The following DIP2A variants were observed in gnomAD, a reference collection of about 807,000 sequenced individuals.
DIP2A encodes the protein DIP2 acetate--CoA ligase A.
In DIP2A, 85 loss-of-function variants were observed where a neutral mutation model predicts 177.4. The ratio of observed to expected loss-of-function variants is 0.48; its 90% confidence interval spans 0.40 to 0.57. The LOEUF (loss-of-function observed/expected upper bound fraction) is 0.57. Among genes scored for constraint, DIP2A ranks in the 20% least tolerant of loss-of-function variants. The probability of loss-of-function intolerance (pLI) is 0.00; values close to 1 mark genes in which losing one functional copy is unlikely to be tolerated. For missense variants in DIP2A, 1,791 were observed against 2,100.2 expected (o/e 0.85, Z 2.88); for synonymous variants, 886 against 881.8 (o/e 1.00, Z -0.08).
At chr21:46,536,903 C>CAA (rs10714360) in intron 13 of DIP2A, among the ~76,000 whole-genome samples, 5 of 129,516 alleles carry the variant, frequency 3.9e-5, no homozygotes, top group South Asian at 2.4e-4. Context: ...GACTCTGTCT[C>CAA]AAAAAAAAAA....
rs73909550 is a variant in DIP2A, at chr21:46,477,140, C to T, written c.92-7617C>T. Among the ~76,000 whole-genome samples the T allele has an allele frequency of 3.7e-3, 557 of 152,206 alleles. 4 individuals are homozygous for T. The highest frequency in any genetic ancestry group is 0.013 in the African/African-American group (531 of 41,522). ...GTGGGCACCTCCAGTAGGACCGGTC[C>T]GATTGTTTGGGTAAATCTAGCAACA... On this transcript the variant is annotated intron_variant, in intron 1 of 37. Coordinates refer to ENST00000417564, the MANE Select transcript of DIP2A (RefSeq NM_015151.4).
chr21:46,562,692 T>C (rs1354470667), intron 34 of DIP2A, among the ~76,000 whole-genome samples: 1 of 152,018 alleles, frequency 6.6e-6, no homozygotes, highest in Non-Finnish European at 1.5e-5. Flanking sequence ...AGTGCGTGAG[T>C]GAGTGAACTC....
intron 11 of DIP2A, 148 bp from the exon 12 acceptor site, chr21:46,533,856 T>C (rs1174891312): frequency 6.2e-6 from 6 of 963,478 alleles, no homozygotes; most frequent in Non-Finnish European, 9.2e-6. Flanking sequence ...GATGTACCTT[T>C]TTAAATTATA....
the DIP2A span, among the ~76,000 whole-genome samples, chr21:46,581,829 A>G: frequency 2.6e-5 from 4 of 152,114 alleles, no homozygotes; most frequent in African/African-American, 7.2e-5. Context: ...TGGGAGCTCA[A>G]TCTCAGAGGG....
chr21:46,477,543 T>TTTTTGTGTGTGTGTGTGTGTGTGTG (rs374607636), intron 1 of DIP2A, among the ~76,000 whole-genome samples: 2 of 87,132 alleles, frequency 2.3e-5, no homozygotes, highest in African/African-American at 8.6e-5. Flanking sequence ...AAAAAAAGAT[T>TTTTTGTGTGTGTGTGTGTGTGTGTG]TGTGTGTGTG....
rs959280243 is a variant in DIP2A, at chr21:46,569,999, A to G, written c.*2377A>G. On this transcript the variant is annotated 3_prime_UTR_variant, in exon 38 of 38. Coordinates refer to ENST00000417564, the MANE Select transcript of DIP2A (RefSeq NM_015151.4). ...AATTTGCTTTTGTACTTAATAAATT[A>G]TAGACTTTAAAATCTATTACATATA... The G allele has an allele frequency of 1.3e-5, 2 of 152,342 alleles. No homozygotes were observed. The highest frequency in any genetic ancestry group is 1.9e-4 in the East Asian group (1 of 5,192). The allele number at this position is 152,342 out of a possible 1,614,324, so 9.4% of individuals were successfully genotyped here. A position where few individuals can be genotyped will look rare whatever the true frequency, so the allele number is the denominator to read the frequency against.
intron 1 of DIP2A, among the ~76,000 whole-genome samples, chr21:46,473,229 TATTTTTA>T (rs936752702): frequency 1.3e-5 from 2 of 152,180 alleles, no homozygotes; most frequent in Non-Finnish European, 2.9e-5. Context: ...GTCAATTTCC[TATTTTTA>T]ATTAAAGGCT....
chr21:46,483,063 G>C (rs1014661199), intron 1 of DIP2A, among the ~76,000 whole-genome samples: 1 of 152,124 alleles, frequency 6.6e-6, no homozygotes. Flanking sequence ...ATGGAGTGAG[G>C]GGGTGAACAA....
At position 46,541,829 on chromosome 21, in the gene DIP2A, A is replaced by G; in HGVS notation, c.2110A>G (p.Arg704Gly). 1 of 1,614,046 alleles carries G rather than the reference A, an allele frequency of 6.2e-7. No individual in the cohort carries two copies. The highest frequency in any genetic ancestry group is 8.5e-7 in the Non-Finnish European group (1 of 1,179,890). ...SMNGLSYGVI[R>G]VDTEEKLSVL... ...GAACGGTCTAAGTTATGGTGTTATC[A>G]GAGTGGATACTGAAGAAAAGTTGTC... The change falls in exon 18 of 38, where the codon AGA (arginine) becomes GGA (glycine). Residue 704 changes from arginine (R) to glycine (G), a missense_variant. Physicochemically the swap from Arg to Gly is moderately radical, Grantham distance 125 (BLOSUM62 -2). Transcript: ENST00000417564.
In DIP2A at chr21:46,556,023, C is replaced by A; in HGVS notation, c.3430C>A (p.Pro1144Thr). 1 of 1,613,950 alleles carries A rather than the reference C, an allele frequency of 6.2e-7. No individual in the cohort carries two copies. The highest frequency in any genetic ancestry group is 8.5e-7 in the Non-Finnish European group (1 of 1,179,876). Residue 1144 changes from proline (P) to threonine (T), a missense_variant, in exon 29 of 38, where the codon CCC (proline) becomes ACC (threonine). Transcript: ENST00000417564. This position sits in a 1 kb window ranked among gnomAD's most constrained non-coding sequence, Gnocchi z 4.5. ...GAAGATAGCAAGCGTTTTCAGGCCC[C>A]CCTCCCCCGATGTCCTCGCATACTT... is the stretch of plus-strand genomic sequence containing the variant. The part of the protein sequence containing the change: ...KKKIASVFRP[P>T]SPDVLAYLDF...
chr21:46,571,384 G>A (rs2060965168), downstream of DIP2A, among the ~76,000 whole-genome samples: 1 of 152,128 alleles, frequency 6.6e-6, no homozygotes, highest in African/African-American at 2.4e-5. Context: ...AGGCCAGAAG[G>A]TAGTGGGCCA....
chr21:46,466,761 T>C (rs532279225), intron 1 of DIP2A, among the ~76,000 whole-genome samples: 3 of 149,974 alleles, frequency 2.0e-5, no homozygotes, highest in African/African-American at 4.9e-5. Flanking sequence ...TCCAACTGCA[T>C]GTCTCTCTGA....
intron 2 of DIP2A, among the ~76,000 whole-genome samples, chr21:46,487,379 A>G (rs2056757593): frequency 6.6e-6 from 1 of 152,234 alleles, no homozygotes; most frequent in African/African-American, 2.4e-5. Context: ...GTCCAAAATC[A>G]CCAGCAATCA....
At chr21:46,485,330 G>A (rs1237276725) in intron 2 of DIP2A, among the ~76,000 whole-genome samples, 2 of 152,084 alleles carry the variant, frequency 1.3e-5, no homozygotes, top group Non-Finnish European at 2.9e-5. Context: ...TTTCAAAAAA[G>A]AATGAGGTGA....
At position 46,498,617 on chromosome 21, in the gene DIP2A, C is replaced by T. The variant is rs370736191; in HGVS notation, c.439C>T (p.Arg147Trp). 40 of 1,612,270 alleles carry T rather than the reference C, an allele frequency of 2.5e-5. No homozygotes were observed. The highest frequency in any genetic ancestry group is 3.3e-5 in the Non-Finnish European group (39 of 1,179,194). The change falls in exon 5 of 38, where the codon CGG (arginine) becomes TGG (tryptophan). Residue 147 changes from arginine (R) to tryptophan (W), a missense_variant. By Grantham distance (101) the Arg-to-Trp change is moderately radical. Transcript: ENST00000417564. The surrounding 1 kb of genome is among the most constrained non-coding windows in gnomAD (Gnocchi z 4.3). Reference protein sequence around the residue: ...SSASEDEGSLRRPGRLTSTPL... With the variant: ...SSASEDEGSLWRPGRLTSTPL... Reference sequence around the variant, plus strand: ...TGCCTCAGAAGATGAGGGCTCTTTACGGCGACCCGGGCGACTCACCTCCAC... The same window carrying T: ...TGCCTCAGAAGATGAGGGCTCTTTATGGCGACCCGGGCGACTCACCTCCAC...
chr21:46,493,202 C>T (rs545434521), intron 3 of DIP2A, among the ~76,000 whole-genome samples: 1 of 152,266 alleles, frequency 6.6e-6, no homozygotes, highest in South Asian at 2.1e-4. Flanking sequence ...TTATGATGCA[C>T]GTGGGCTGGT....
intron 25 of DIP2A, among the ~76,000 whole-genome samples, chr21:46,552,636 G>A (rs1398982217): frequency 6.6e-6 from 1 of 152,022 alleles, no homozygotes; most frequent in Non-Finnish European, 1.5e-5. Flanking sequence ...CTGCTCATTC[G>A]AATTAAAAAA....
chr21:46,461,271 C>CAAAAAAAAAAAAAAAAAAAAAAAAAAAAA lies in DIP2A; in HGVS notation c.91+2071_91+2072insAAAAAAAAAAAAAAAAAAAAAAAAAAAAA, dbSNP rs60346777. Among the ~76,000 whole-genome samples, 4 of 49,310 alleles carry CAAAAAAAAAAAAAAAAAAAAAAAAAAAAA rather than the reference C, an allele frequency of 8.1e-5. 1 individual carries two copies. Among genetic ancestry groups the CAAAAAAAAAAAAAAAAAAAAAAAAAAAAA allele is most frequent in the East Asian group, 1.8e-3 (2 of 1,084 alleles). 32.3% of individuals were successfully genotyped at this position (49,310 alleles called of 152,430 possible). ...AGAGCGAGAACCTGTCTCTTCTCAC[C>CAAAAAAAAAAAAAAAAAAAAAAAAAAAAA]AAAAAAAAAAAAAAAAAAAAAAGGA... is the stretch of plus-strand genomic sequence containing the variant. On this transcript the variant is annotated intron_variant, in intron 1 of 37. Coordinates refer to ENST00000417564, the MANE Select transcript of DIP2A (RefSeq NM_015151.4).
At position 46,532,230 on chromosome 21, in the gene DIP2A, C is replaced by G; in HGVS notation, c.1298C>G (p.Thr433Arg). Residue 433 changes from threonine to arginine, a missense_variant, in exon 10 of 38, where the codon ACA (threonine) becomes AGA (arginine). By Grantham distance (71) the Thr-to-Arg change is moderately conservative. Transcript: ENST00000417564. Reference protein sequence around the residue: ...LVPVPIEVPLTRKDAGSQQVG... With the variant: ...LVPVPIEVPLRRKDAGSQQVG... ...CCTGTCCCCATAGAAGTGCCATTAACAAGAAAGGTAGCAAACCCATGGCTC... is the reference window on the plus strand; with the variant it reads ...CCTGTCCCCATAGAAGTGCCATTAAGAAGAAAGGTAGCAAACCCATGGCTC... The G allele has an allele frequency of 6.2e-7, 1 of 1,613,652 alleles. No homozygotes were observed. Among genetic ancestry groups the G allele is most frequent in the South Asian group, 1.1e-5 (1 of 91,036 alleles).
Sources: allele counts gnomAD v4.1 joint callset (sites outside exome capture counted in the v4.1 genomes callset), GRCh38; gene constraint gnomAD v4.1.1; non-coding constraint Gnocchi (gnomAD v3.1); transcripts MANE v1.5; gene names NCBI Gene and HGNC (gene_info 2026-07-23, HGNC 2026-07-21).